The following CNTNAP5 variants were observed in gnomAD, a reference collection of about 807,000 sequenced individuals.
CNTNAP5 encodes the protein contactin associated protein family member 5, also known as contactin-associated protein-like 5.
In CNTNAP5, 72 loss-of-function variants were observed where a neutral mutation model predicts 150.2. That is an observed-to-expected ratio of 0.48 (90% CI 0.40 to 0.58). CNTNAP5 has a LOEUF of 0.58. Ranked by LOEUF, CNTNAP5 falls within the 20% of genes least tolerant of loss-of-function variation. The pLI is 0.00. For synonymous variants in CNTNAP5, 672 were observed against 619.8 expected, an observed-to-expected ratio of 1.08 and a Z score of -1.25; for missense variants, 1,636 against 1,626.2, an observed-to-expected ratio of 1.01 and a Z score of -0.10.
At chr2:124,296,408 T>C (rs149464709) in intron 3 of CNTNAP5, among the ~76,000 whole-genome samples, 174 of 152,246 alleles carry the variant, frequency 1.1e-3, no homozygotes, top group Admixed American at 2.6e-3. Context: ...CCTTACAGAG[T>C]ACTGGGCAGA....
intron 11 of CNTNAP5, among the ~76,000 whole-genome samples, chr2:124,585,245 T>G (rs550791151): frequency 6.6e-6 from 1 of 152,036 alleles, no homozygotes; most frequent in African/African-American, 2.4e-5. Flanking sequence ...TTTCAGCTGA[T>G]AGAGAGAGAA....
chr2:124,353,481 G>C (rs1322712970), intron 3 of CNTNAP5, among the ~76,000 whole-genome samples: 1 of 151,946 alleles, frequency 6.6e-6, no homozygotes, highest in Non-Finnish European at 1.5e-5. Context: ...AAGGTTGTCT[G>C]CCTGGAAGTA....
intron 3 of CNTNAP5, among the ~76,000 whole-genome samples, chr2:124,274,595 C>T (rs1687841167): frequency 6.6e-6 from 1 of 152,158 alleles, no homozygotes; most frequent in Non-Finnish European, 1.5e-5. Context: ...GGACTGGGTA[C>T]ATGGCCAGAG....
intron 3 of CNTNAP5, among the ~76,000 whole-genome samples, chr2:124,361,972 G>T (rs538697079): frequency 6.6e-6 from 1 of 152,136 alleles, no homozygotes; most frequent in Non-Finnish European, 1.5e-5. Context: ...CTTCGTGGGC[G>T]TAGGACCCTC....
intron 13 of CNTNAP5, among the ~76,000 whole-genome samples, chr2:124,704,833 C>T (rs899744075): frequency 6.6e-6 from 1 of 152,060 alleles, no homozygotes; most frequent in African/African-American, 2.4e-5. Flanking sequence ...CATCTCTCAG[C>T]TTAGCATCTT....
chr2:124,644,299 C>T (rs1678159288), intron 12 of CNTNAP5, among the ~76,000 whole-genome samples: 1 of 152,202 alleles, frequency 6.6e-6, no homozygotes, highest in Non-Finnish European at 1.5e-5. Context: ...GTGGCATTAA[C>T]ACCTGACCTT....
At chr2:124,620,009 G>A (rs1028973647) in intron 12 of CNTNAP5, among the ~76,000 whole-genome samples, 1 of 150,372 alleles carries the variant, frequency 6.7e-6, no homozygotes, top group Non-Finnish European at 1.5e-5. Context: ...ATCCATTTGG[G>A]TGTCTCAAGA....
At chr2:124,772,707 T>A (rs554796123) in intron 16 of CNTNAP5, 92 bp from the exon 17 acceptor site, 4 of 898,540 alleles carry the variant, frequency 4.5e-6, no homozygotes, top group Non-Finnish European at 7.4e-6. Context: ...TCTATATTGA[T>A]ACTGACTTAC....
At chr2:124,449,330 A>G (rs1322501961) in intron 6 of CNTNAP5, among the ~76,000 whole-genome samples, 1 of 151,784 alleles carries the variant, frequency 6.6e-6, no homozygotes, top group East Asian at 1.9e-4. Flanking sequence ...CAAAGAAAAG[A>G]GATATTTTTT....
intron 3 of CNTNAP5, among the ~76,000 whole-genome samples, chr2:124,284,235 C>T (rs1168189373): frequency 6.6e-6 from 1 of 152,188 alleles, no homozygotes; most frequent in South Asian, 2.1e-4. Flanking sequence ...GTTAATAGTT[C>T]CAAAAGGAGG....
At chr2:124,337,132 T>C (rs1040963896) in intron 3 of CNTNAP5, among the ~76,000 whole-genome samples, 4 of 152,234 alleles carry the variant, frequency 2.6e-5, no homozygotes, top group African/African-American at 7.2e-5. Flanking sequence ...CCAGTGATGA[T>C]GAGCATTTTT....
intron 20 of CNTNAP5, among the ~76,000 whole-genome samples, chr2:124,868,561 C>T (rs573201199): frequency 4.6e-5 from 7 of 152,218 alleles, no homozygotes; most frequent in Admixed American, 3.9e-4. Context: ...TTGACGTCAA[C>T]CCTACACCCC....
chr2:124,821,360 A>G (rs1259415416), intron 19 of CNTNAP5, among the ~76,000 whole-genome samples: 2 of 152,208 alleles, frequency 1.3e-5, no homozygotes, highest in Non-Finnish European at 2.9e-5. Flanking sequence ...CTAAGGTAGC[A>G]CTGCTCAAAC....
rs6707634 is a variant in CNTNAP5, at chr2:124,475,234, A to G, written c.1062+352A>G. Among the ~76,000 whole-genome samples, 574 of 152,198 alleles carry G rather than the reference A, an allele frequency of 3.8e-3. 2 individuals are homozygous for G. Among genetic ancestry groups the G allele is most frequent in the African/African-American group, 0.013 (544 of 41,522 alleles). On this transcript the variant is annotated intron_variant, in intron 7 of 23. Transcript: ENST00000682447. ...AAAACCACATATTCCATTAAATTCT[A>G]TGGCTTGGGAGTTACATATATGTCT...
chr2:124,889,013 C>T (rs1361505395), intron 21 of CNTNAP5, among the ~76,000 whole-genome samples: 2 of 145,138 alleles, frequency 1.4e-5, no homozygotes, highest in African/African-American at 5.1e-5. Flanking sequence ...AATTATTTGT[C>T]AAGTCTAATG....
chr2:124,691,114 G>A (rs1679292180), intron 13 of CNTNAP5, among the ~76,000 whole-genome samples: 1 of 152,054 alleles, frequency 6.6e-6, no homozygotes, highest in Non-Finnish European at 1.5e-5. Flanking sequence ...GGACGAGAAG[G>A]CTATGATCTA....
intron 7 of CNTNAP5, among the ~76,000 whole-genome samples, chr2:124,477,708 G>A (rs1348344697): frequency 2.0e-5 from 3 of 147,564 alleles, no homozygotes; most frequent in Non-Finnish European, 4.5e-5. Context: ...GCTATGGAAA[G>A]CACACTCATT....
intron 1 of CNTNAP5, among the ~76,000 whole-genome samples, chr2:124,075,548 A>C (rs1682417071): frequency 6.6e-6 from 1 of 152,118 alleles, no homozygotes; most frequent in South Asian, 2.1e-4. Flanking sequence ...TTTGGTCTCC[A>C]TTTGGCTTCC....
At chr2:124,797,789 A>T (rs1439823604) in intron 18 of CNTNAP5, among the ~76,000 whole-genome samples, 1 of 152,214 alleles carries the variant, frequency 6.6e-6, no homozygotes, top group Non-Finnish European at 1.5e-5. Flanking sequence ...TAGCCAGGCA[A>T]GTGGTCATTA....
Sources: gnomAD v4.1 joint callset for allele counts (sites outside exome capture counted in the v4.1 genomes callset) on GRCh38, gnomAD v4.1.1 for gene constraint, MANE v1.5 for transcripts, NCBI Gene and HGNC (gene_info 2026-07-23, HGNC 2026-07-21) for gene names.